The following CFAP69 variants were observed in gnomAD, a reference collection of about 807,000 sequenced individuals.
CFAP69 encodes cilia- and flagella-associated protein 69.
In CFAP69, 92 loss-of-function variants were observed where a neutral mutation model predicts 123.0. The ratio of observed to expected loss-of-function variants is 0.75; its 90% CI spans 0.63 to 0.89. CFAP69 has a LOEUF of 0.89. CFAP69 is among the 40% of genes least tolerant of loss of function. CFAP69 has a pLI of 0.00. For missense variants in CFAP69, 1,067 were observed against 1,096.9 expected (o/e 0.97, Z 0.39); for synonymous variants, 380 against 364.3 (o/e 1.04, Z -0.49).
chr7:90,312,255 C>A (rs17867089), downstream of CFAP69, among the ~76,000 whole-genome samples: 2,989 of 152,238 alleles, frequency 0.02, 95 homozygotes, highest in East Asian at 0.11. Context: ...TCAACACAGA[C>A]AACATGTTAG....
intron 5 of CFAP69, among the ~76,000 whole-genome samples, chr7:90,265,819 A>G (rs139616386): frequency 5.4e-4 from 83 of 152,358 alleles, no homozygotes; most frequent in African/African-American, 1.7e-3. Flanking sequence ...GAACTTCAGC[A>G]TAATGCACAT....
chr7:90,305,234 G>A (rs897900027), intron 19 of CFAP69, among the ~76,000 whole-genome samples: 12 of 151,310 alleles, frequency 7.9e-5, no homozygotes, highest in Admixed American at 1.3e-4. Flanking sequence ...CCAGCTACTC[G>A]GGAGGCTGAG....
intron 11 of CFAP69, 41 bp from the exon 12 acceptor site, chr7:90,279,636 G>T (rs1278422526): frequency 1.6e-6 from 2 of 1,234,148 alleles, no homozygotes; most frequent in Admixed American, 2.6e-5. Flanking sequence ...AAGTATTTTT[G>T]GCTATGTTTC....
chr7:90,279,805 A>G lies in CFAP69; in HGVS notation c.1284A>G (p.Ser428=), dbSNP rs752904110. ...AACTGCATGCAATTGCCACTTTGTCATCAGTGGCTCCTTTATTAATAGAAG... is the reference window on the plus strand; with the variant it reads ...AACTGCATGCAATTGCCACTTTGTCGTCAGTGGCTCCTTTATTAATAGAAG... ...ELQLHAIATL[S]SVAPLLIEEY... is the part of the protein sequence containing the mutation. Residue 428 remains serine (S), a synonymous_variant, in exon 12 of 23, where the codon TCA becomes TCG. Transcript: ENST00000389297. 6.8e-6 allele frequency: 11 copies of G among 1,612,844 alleles called. No individual in the cohort carries two copies. In the Admixed American group the frequency reaches 1.7e-4, roughly 25 times the overall value.
chr7:90,313,306 A>G (rs759302341), downstream of CFAP69, among the ~76,000 whole-genome samples: 1 of 152,220 alleles, frequency 6.6e-6, no homozygotes, highest in Non-Finnish European at 1.5e-5. Context: ...CATTCTGCCA[A>G]CACAACCTTA....
chr7:90,303,882 T>A, intron 17 of CFAP69, 87 bp from the exon 18 acceptor site: 1 of 1,380,848 alleles, frequency 7.2e-7, no homozygotes, highest in Non-Finnish European at 9.6e-7. Context: ...TATTTTATGT[T>A]ATCTAGACTA....
chr7:90,277,071 A>G lies in CFAP69; in HGVS notation c.985-2A>G. ...TCTGCTTATTTTATGTATTTATATT[A>G]GGAATGTGGCTTTACCAAGGATTTG... On this transcript the variant is annotated splice_acceptor_variant, in intron 9 of 22. Transcript: ENST00000389297. LOFTEE classifies it high-confidence loss of function. 1 of 1,555,540 alleles carries G rather than the reference A, an allele frequency of 6.4e-7. No homozygotes were observed. The highest frequency in any genetic ancestry group is 8.7e-7 in the Non-Finnish European group (1 of 1,148,672).
intron 15 of CFAP69, among the ~76,000 whole-genome samples, chr7:90,294,927 C>A (rs972146800): frequency 2.0e-5 from 3 of 152,132 alleles, no homozygotes; most frequent in Non-Finnish European, 4.4e-5. Context: ...TTGCTTTTGG[C>A]AGTGTGGGGA....
intron 5 of CFAP69, among the ~76,000 whole-genome samples, chr7:90,266,409 A>G (rs534870877): frequency 3.3e-5 from 5 of 152,256 alleles, no homozygotes; most frequent in East Asian, 3.9e-4. Flanking sequence ...GTGAATCTCT[A>G]TCATCAGCAG....
At chr7:90,279,652 A>G in intron 11 of CFAP69, 25 bp from the exon 12 acceptor site, 3 of 1,461,828 alleles carry the variant, frequency 2.1e-6, no homozygotes, top group Non-Finnish European at 2.8e-6. Flanking sequence ...GTTTCTAACA[A>G]AGTATCCTTT....
chr7:90,267,000 A>C (rs1799248484), intron 5 of CFAP69, among the ~76,000 whole-genome samples: 2 of 152,184 alleles, frequency 1.3e-5, no homozygotes, highest in African/African-American at 2.4e-5. Context: ...CTAAATTTAC[A>C]GGAACTAAAA....
chr7:90,261,293 T>A (rs17861286), intron 3 of CFAP69, among the ~76,000 whole-genome samples: 6,968 of 152,220 alleles, frequency 0.046, 215 homozygotes, highest in South Asian at 0.11. Context: ...CAGGCTGGTC[T>A]CGAACTCCTG....
rs1799006700 is a variant in CFAP69, at chr7:90,265,338, A to G, written c.394A>G (p.Thr132Ala). The G allele has an allele frequency of 1.2e-6, 2 of 1,612,048 alleles. No homozygotes were observed. The highest frequency in any genetic ancestry group is 1.7e-6 in the Non-Finnish European group (2 of 1,178,736). ...GAAAAAGAAAGTGTCGGATGAAATAACTTATGCTGAAGATACTGCTAATTC... is the reference window on the plus strand; with the variant it reads ...GAAAAAGAAAGTGTCGGATGAAATAGCTTATGCTGAAGATACTGCTAATTC... ...FLKKKVSDEI[T>A]YAEDTANSIA... is the part of the protein sequence containing the mutation. Residue 132 changes from threonine to alanine, a missense_variant, in exon 5 of 23, where the codon ACT becomes GCT. By Grantham distance (58) the Thr-to-Ala change is moderately conservative. Coordinates refer to ENST00000389297, the MANE Select transcript of CFAP69 (RefSeq NM_001039706.3).
chr7:90,245,394 C>T lies in CFAP69; in HGVS notation c.-31C>T, dbSNP rs371179843. The T allele has an allele frequency of 4.6e-5, 69 of 1,515,680 alleles. No homozygotes were observed. In the African/African-American group the frequency reaches 8.1e-4, roughly 18 times the overall value. The allele number at this position is 1,515,680 out of a possible 1,614,324, so 93.9% of individuals were successfully genotyped here. A position where few individuals can be genotyped will look rare whatever the true frequency, so the allele number is the denominator to read the frequency against. On this transcript the variant is annotated 5_prime_UTR_variant, in exon 1 of 23. Coordinates refer to ENST00000389297, the MANE Select transcript of CFAP69 (RefSeq NM_001039706.3). The stretch of plus-strand genomic sequence containing the variant: ...CGGGCGCACTGTAGGACAGGAAGAT[C>T]CCCCCACTCTCCACCCCGCCGCCAC...
chr7:90,273,719 A>T (rs1053656287), intron 8 of CFAP69, among the ~76,000 whole-genome samples: 1 of 152,112 alleles, frequency 6.6e-6, no homozygotes, highest in African/African-American at 2.4e-5. Flanking sequence ...TCAGGGTGCC[A>T]GTGTGGTTGG....
rs1429613387 is a variant in CFAP69 at position 90,288,303 on chromosome 7, A to T, written c.1726A>T (p.Ser576Cys). 1.2e-6 allele frequency: 2 copies of T among 1,612,386 alleles called. No individual in the cohort carries two copies. Among genetic ancestry groups the T allele is most frequent in the Non-Finnish European group, 1.7e-6 (2 of 1,178,898 alleles). The stretch of plus-strand genomic sequence containing the variant: ...GAAAACAGACCCCAGGAAGTTACAG[A>T]GTGGCTTAGGCTATAATGTACTTCT... ...VMKTDPRKLQ[S>C]GLGYNVLLFS... Residue 576 changes from serine (S) to cysteine (C), a missense_variant, in exon 15 of 23, where the codon AGT (serine) becomes TGT (cysteine). Coordinates refer to ENST00000389297, the MANE Select transcript of CFAP69 (RefSeq NM_001039706.3).
chr7:90,258,006 AT>A, intron 2 of CFAP69, 91 bp from the exon 3 acceptor site: 1 of 778,354 alleles, frequency 1.3e-6, no homozygotes, highest in Middle Eastern at 3.3e-4. Flanking sequence ...TTACTTGATA[AT>A]TTTAAAGTGT....
rs746476214 is a variant in CFAP69, at chr7:90,309,367, G to A, written c.2655G>A (p.Thr885=). 1 of 1,454,780 alleles carries A rather than the reference G, an allele frequency of 6.9e-7. No homozygotes were observed. Among genetic ancestry groups the A allele is most frequent in the African/African-American group, 1.4e-5 (1 of 70,756 alleles). The allele number at this position is 1,454,780 out of a possible 1,614,324, so 90.1% of individuals were successfully genotyped here. The change falls in exon 22 of 23, where the codon ACG becomes ACA. Residue 885 remains threonine, a splice_region_variant and synonymous_variant. Coordinates refer to ENST00000389297, the MANE Select transcript of CFAP69 (RefSeq NM_001039706.3). ...CACATATTAAAGGCCTTAACACAACGGTAAGATTCTTTCTCCATAACATTT... is the reference window on the plus strand; with the variant it reads ...CACATATTAAAGGCCTTAACACAACAGTAAGATTCTTTCTCCATAACATTT... The part of the protein sequence containing the change: ...HQTHIKGLNT[T]VPSGGVVTVE...
At chr7:90,305,583 A>G (rs1036311175) in intron 19 of CFAP69, among the ~76,000 whole-genome samples, 1 of 151,264 alleles carries the variant, frequency 6.6e-6, no homozygotes, top group Non-Finnish European at 1.5e-5. Context: ...TAATTTTTGT[A>G]TTCTCATGCC....
Sources: allele counts gnomAD v4.1 joint callset (sites outside exome capture counted in the v4.1 genomes callset), GRCh38; gene constraint gnomAD v4.1.1; transcripts MANE v1.5; gene names NCBI Gene and HGNC (gene_info 2026-07-23, HGNC 2026-07-21).